THSD4: variants seen among roughly 807,000 people sequenced by gnomAD.
THSD4 encodes the protein thrombospondin type 1 domain containing 4.
In THSD4, 69 loss-of-function variants were observed where a neutral mutation model predicts 119.0. The observed-to-expected ratio is 0.58, with a 90% CI of 0.48 to 0.71. The LOEUF is 0.71. Among genes scored for constraint, THSD4 ranks in the 30% least tolerant of loss-of-function variants. THSD4 has a pLI of 0.00. For missense variants in THSD4, 1,393 were observed against 1,391.1 expected, an observed-to-expected ratio of 1.00 and a Z score of -0.02; for synonymous variants, 524 against 540.4, an observed-to-expected ratio of 0.97 and a Z score of 0.42.
chr15:71,554,214 C>T (rs1376237698), intron 7 of THSD4, among the ~76,000 whole-genome samples: 13 of 151,276 alleles, frequency 8.6e-5, no homozygotes, highest in African/African-American at 2.4e-4. Context: ...CTCAGCCTCC[C>T]GAGTAGCTGG....
intron 7 of THSD4, among the ~76,000 whole-genome samples, chr15:71,456,425 C>G (rs1318833918): frequency 6.6e-6 from 1 of 152,196 alleles, no homozygotes; most frequent in Non-Finnish European, 1.5e-5. Flanking sequence ...AGCATTGTTT[C>G]ATGATTCATG....
chr15:71,477,239 T>C (rs2047667089), intron 7 of THSD4, among the ~76,000 whole-genome samples: 2 of 152,144 alleles, frequency 1.3e-5, no homozygotes, highest in African/African-American at 2.4e-5. Flanking sequence ...ACGCCACTGG[T>C]TCCTATCAGA....
chr15:71,111,397 C>T (rs774597161), upstream of THSD4: 15 of 1,611,688 alleles, frequency 9.3e-6, no homozygotes, highest in African/African-American at 1.3e-5. Flanking sequence ...GGCACAGGAA[C>T]TCAGACTGTA....
intron 1 of THSD4, among the ~76,000 whole-genome samples, chr15:71,135,483 C>G (rs1295115729): frequency 6.6e-6 from 1 of 151,716 alleles, no homozygotes; most frequent in Admixed American, 6.6e-5. Context: ...ATGATCTCCT[C>G]TCTTTCAACT....
intron 8 of THSD4, among the ~76,000 whole-genome samples, chr15:71,725,722 A>C (rs537497179): frequency 6.6e-6 from 1 of 152,274 alleles, no homozygotes; most frequent in South Asian, 2.1e-4. Context: ...TCCTCAATGG[A>C]ATGATGGAGG....
intron 7 of THSD4, among the ~76,000 whole-genome samples, chr15:71,577,118 T>C (rs1325214754): frequency 1.3e-5 from 2 of 152,012 alleles, no homozygotes; most frequent in African/African-American, 4.8e-5. Context: ...TTTAGTACTT[T>C]ATTAAGTATT....
intron 15 of THSD4, among the ~76,000 whole-genome samples, chr15:71,758,653 A>G (rs942046988): frequency 6.6e-6 from 1 of 152,226 alleles, no homozygotes; most frequent in Non-Finnish European, 1.5e-5. Context: ...AAATGTGGAA[A>G]TGACTGCCTT....
rs537042260 is a variant in THSD4 at position 71,492,919 on chromosome 15, A to G, written c.1152+81096A>G. ...CTTTTTTTTTTTTTAGAACCATATA[A>G]TGAACTGTTGAAAAAGGGTTAATCA... On this transcript the variant is annotated intron_variant, in intron 7 of 17. Coordinates refer to ENST00000261862, the MANE Select transcript of THSD4 (RefSeq NM_024817.3). 2.6e-5 allele frequency among the ~76,000 whole-genome samples: 4 copies of G among 151,828 alleles called. No individual in the cohort carries two copies. In the South Asian group the frequency reaches 6.2e-4, roughly 24 times the overall value.
chr15:71,285,853 C>CAAAAAAAAAAA (rs11421766), intron 6 of THSD4, among the ~76,000 whole-genome samples: 1 of 67,384 alleles, frequency 1.5e-5, no homozygotes, highest in Non-Finnish European at 2.6e-5. Flanking sequence ...GACTCCGTCT[C>CAAAAAAAAAAA]AAAAAAAAAA....
chr15:71,774,790 A>C (rs2140253737), intron 17 of THSD4, among the ~76,000 whole-genome samples: 1 of 152,110 alleles, frequency 6.6e-6, no homozygotes, highest in East Asian at 1.9e-4. Flanking sequence ...AAAAAAAAAA[A>C]ATAGGGCTTA....
At chr15:71,636,264 A>G (rs1282073888) in intron 7 of THSD4, among the ~76,000 whole-genome samples, 2 of 152,130 alleles carry the variant, frequency 1.3e-5, no homozygotes, top group Non-Finnish European at 2.9e-5. Context: ...TCTACTAAAA[A>G]TACAAAAAAT....
intron 7 of THSD4, among the ~76,000 whole-genome samples, chr15:71,563,475 C>A (rs2049166887): frequency 6.6e-6 from 1 of 152,138 alleles, no homozygotes; most frequent in Non-Finnish European, 1.5e-5. Context: ...GTAAAGGCGG[C>A]CCTCTAATTA....
intron 7 of THSD4, among the ~76,000 whole-genome samples, chr15:71,618,512 G>A (rs1427455453): frequency 6.6e-6 from 1 of 152,190 alleles, no homozygotes; most frequent in African/African-American, 2.4e-5. Context: ...ATATACCCCG[G>A]CATCACAGGC....
At chr15:71,507,523 T>C (rs2048208957) in intron 7 of THSD4, among the ~76,000 whole-genome samples, 1 of 152,224 alleles carries the variant, frequency 6.6e-6, no homozygotes, top group Non-Finnish European at 1.5e-5. Context: ...CCTTCTGGTA[T>C]GTTCTCAGCT....
At chr15:71,712,426 C>T (rs2052535257) in intron 8 of THSD4, among the ~76,000 whole-genome samples, 1 of 152,058 alleles carries the variant, frequency 6.6e-6, no homozygotes, top group South Asian at 2.1e-4. Context: ...GAAGAAAGAG[C>T]TCAAATCAAT....
intron 7 of THSD4, among the ~76,000 whole-genome samples, chr15:71,445,074 G>A (rs925764269): frequency 1.3e-5 from 2 of 152,068 alleles, no homozygotes; most frequent in Non-Finnish European, 2.9e-5. Flanking sequence ...TCTGGGCTCT[G>A]TCCCTACTTG....
At position 71,522,095 on chromosome 15, in the gene THSD4, C is replaced by A. The variant is rs144721161; in HGVS notation, c.1152+110272C>A. The stretch of plus-strand genomic sequence containing the variant: ...TTTTACACCTGATGTGAACTTTGGG[C>A]TTTGCACCTCATGAAGGCACATACC... On this transcript the variant is annotated intron_variant, in intron 7 of 17. Coordinates refer to ENST00000261862, the MANE Select transcript of THSD4 (RefSeq NM_024817.3). 1.1e-4 allele frequency among the ~76,000 whole-genome samples: 16 copies of A among 152,288 alleles called. No individual in the cohort carries two copies. In the East Asian group the frequency reaches 2.9e-3, roughly 28 times the overall value.
chr15:71,192,279 G>A (rs1049465702), intron 3 of THSD4, among the ~76,000 whole-genome samples: 6 of 151,288 alleles, frequency 4.0e-5, no homozygotes, highest in Non-Finnish European at 5.9e-5. Flanking sequence ...AATTCCTTTG[G>A]TGGATTTATT....
intron 1 of THSD4, among the ~76,000 whole-genome samples, chr15:71,105,314 AG>A (rs2040269911): frequency 6.6e-6 from 1 of 152,210 alleles, no homozygotes; most frequent in Admixed American, 6.5e-5. Flanking sequence ...TTTATTATAA[AG>A]GATACAGATG....
Sources: gnomAD v4.1 joint callset for allele counts (sites outside exome capture counted in the v4.1 genomes callset) on GRCh38, gnomAD v4.1.1 for gene constraint, MANE v1.5 for transcripts, NCBI Gene and HGNC (gene_info 2026-07-23, HGNC 2026-07-21) for gene names.